Variants in ASTN2 observed in about 807,000 individuals in gnomAD.
The protein encoded by ASTN2 is astrotactin-2.
In ASTN2, 54 loss-of-function variants were observed where a neutral mutation model predicts 139.8. That is an observed-to-expected ratio of 0.39 (90% confidence interval 0.31 to 0.48). The LOEUF (loss-of-function observed/expected upper bound fraction) is 0.48, where lower values mean the gene tolerates loss of function less well. ASTN2 is among the 20% of genes least tolerant of loss of function. The pLI, the probability that ASTN2 is intolerant of heterozygous loss-of-function variation, is 0.95. For synonymous variants in ASTN2, 756 were observed against 719.5 expected (o/e 1.05, Z -0.81); for missense variants, 1,565 against 1,725.1 (o/e 0.91, Z 1.64).
intron 13 of ASTN2, among the ~76,000 whole-genome samples, chr9:116,802,083 C>CTTTTTTT (rs796156202): frequency 4.9e-5 from 6 of 121,732 alleles, no homozygotes; most frequent in South Asian, 2.6e-4. Context: ...TTCTTTCTTT[C>CTTTTTTT]TTTTTTTTTT....
intron 13 of ASTN2, among the ~76,000 whole-genome samples, chr9:116,790,964 AAGGAAAG>A (rs1564268816): frequency 9.2e-4 from 98 of 106,706 alleles, no homozygotes; most frequent in African/African-American, 2.1e-3. Context: ...GAAAAGAAAG[AAGGAAAG>A]AAAGAAAGAA....
At chr9:117,094,183 G>GGAGGAGAGGA (rs71379260) in intron 5 of ASTN2, among the ~76,000 whole-genome samples, 11 of 122,302 alleles carry the variant, frequency 9.0e-5, no homozygotes, top group African/African-American at 3.2e-4. Context: ...AGGGAGGGAG[G>GGAGGAGAGGA]GAGGAGAGGA....
At chr9:117,065,731 A>C (rs1159340854) in intron 5 of ASTN2, among the ~76,000 whole-genome samples, 1 of 152,202 alleles carries the variant, frequency 6.6e-6, no homozygotes, top group Non-Finnish European at 1.5e-5. Context: ...TAGAACCCAC[A>C]GCCACTGCAT....
rs767242462 is a variant in ASTN2, at chr9:116,632,205, A to AAAGAAAGAAAGAAAGAAAG, written c.3073-11763_3073-11762insCTTTCTTTCTTTCTTTCTT. On this transcript the variant is annotated intron_variant, in intron 17 of 22. Coordinates refer to ENST00000313400, the MANE Select transcript of ASTN2 (RefSeq NM_001365068.1). ...GAGAGGGAGAGAGAGAGAAAGAAAG[A>AAAGAAAGAAAGAAAGAAAG]AAAGAAAGAAAGAAAGAAAGAAAGA... 2.0e-3 allele frequency among the ~76,000 whole-genome samples: 89 copies of AAAGAAAGAAAGAAAGAAAG among 45,296 alleles called. 11 individuals are homozygous for AAAGAAAGAAAGAAAGAAAG. Among genetic ancestry groups the AAAGAAAGAAAGAAAGAAAG allele is most frequent in the Admixed American group, 3.6e-3 (14 of 3,842 alleles). 29.7% of individuals were successfully genotyped at this position (45,296 alleles called of 152,430 possible). A position where few individuals can be genotyped will look rare whatever the true frequency, so the allele number is the denominator to read the frequency against.
intron 2 of ASTN2, among the ~76,000 whole-genome samples, chr9:117,234,557 G>A (rs1832988870): frequency 6.6e-6 from 1 of 152,120 alleles, no homozygotes; most frequent in South Asian, 2.1e-4. Context: ...GACATTGTTA[G>A]GATTATCACT....
At chr9:117,123,896 T>C (rs1345475849) in intron 4 of ASTN2, among the ~76,000 whole-genome samples, 1 of 152,218 alleles carries the variant, frequency 6.6e-6, no homozygotes, top group Non-Finnish European at 1.5e-5. Context: ...CCATATTCTT[T>C]CCTCTCATCT....
intron 13 of ASTN2, among the ~76,000 whole-genome samples, chr9:116,793,494 T>C (rs971025037): frequency 6.6e-6 from 1 of 152,080 alleles, no homozygotes; most frequent in African/African-American, 2.4e-5. Context: ...GAGCTATGAG[T>C]AAGTGAAAAA....
At position 117,218,548 on chromosome 9, in the gene ASTN2, T is replaced by A. The variant is rs146768982; in HGVS notation, c.631-3806A>T. ...ATCTAAAACATGGTAGCAGCTTAGG[T>A]AACGTTGCAAGCACCAATCTGAACA... On this transcript the variant is annotated intron_variant, in intron 2 of 22. Transcript: ENST00000313400. 1.7e-3 allele frequency among the ~76,000 whole-genome samples: 258 copies of A among 152,234 alleles called. 3 individuals are homozygous for A. The highest frequency in any genetic ancestry group is 5.8e-3 in the African/African-American group (242 of 41,532).
intron 11 of ASTN2, among the ~76,000 whole-genome samples, chr9:116,822,332 C>T (rs1564286770): frequency 6.6e-6 from 1 of 152,040 alleles, no homozygotes; most frequent in Admixed American, 6.6e-5. Context: ...TATAAATGGC[C>T]TTTGTCAAGC....
intron 1 of ASTN2, among the ~76,000 whole-genome samples, chr9:117,350,072 TG>T (rs576698813): frequency 8.3e-4 from 127 of 152,298 alleles, no homozygotes; most frequent in African/African-American, 3.0e-3. Context: ...ACCATGATAA[TG>T]TAAGATGGTA....
intron 10 of ASTN2, among the ~76,000 whole-genome samples, chr9:116,901,764 G>A (rs907478846): frequency 2.6e-5 from 4 of 152,130 alleles, no homozygotes; most frequent in Non-Finnish European, 5.9e-5. Flanking sequence ...GGCCAGGCAC[G>A]GTGGCTCACG....
At chr9:117,325,755 T>C (rs1251122523) in intron 1 of ASTN2, among the ~76,000 whole-genome samples, 2 of 151,954 alleles carry the variant, frequency 1.3e-5, no homozygotes, top group Non-Finnish European at 2.9e-5. Context: ...TTGTTAGAGA[T>C]GGAGAGGCTG....
chr9:117,356,120 A>G (rs1027156475), intron 1 of ASTN2, among the ~76,000 whole-genome samples: 5 of 152,222 alleles, frequency 3.3e-5, no homozygotes, highest in African/African-American at 1.2e-4. Flanking sequence ...GTTAGTAGAA[A>G]GGAAATGTCT....
chr9:117,240,776 T>C (rs774447640), intron 2 of ASTN2, among the ~76,000 whole-genome samples: 9 of 152,188 alleles, frequency 5.9e-5, no homozygotes, highest in Non-Finnish European at 1.2e-4. Context: ...AGATGGAGTC[T>C]AAAGCCCAAA....
intron 7 of ASTN2, among the ~76,000 whole-genome samples, chr9:116,981,274 A>C (rs908700607): frequency 6.6e-6 from 1 of 152,190 alleles, no homozygotes; most frequent in Non-Finnish European, 1.5e-5. Context: ...TATTGAATGA[A>C]TGAATGAATG....
intron 16 of ASTN2, among the ~76,000 whole-genome samples, chr9:116,710,482 G>A (rs939109208): frequency 7.1e-6 from 1 of 140,272 alleles, no homozygotes; most frequent in East Asian, 2.1e-4. Flanking sequence ...TGTAATCACA[G>A]CATTTTGGGA....
chr9:116,740,467 C>T (rs1254156828), intron 13 of ASTN2, among the ~76,000 whole-genome samples: 5 of 152,082 alleles, frequency 3.3e-5, no homozygotes, highest in Admixed American at 2.0e-4. Flanking sequence ...ATAATGAGTT[C>T]AGCTTCAATG....
At chr9:116,585,744 C>A (rs1854120196) in intron 19 of ASTN2, 2 of 152,106 alleles carry the variant, frequency 1.3e-5, no homozygotes, top group Non-Finnish European at 2.9e-5. Flanking sequence ...ACACCATTCT[C>A]AATGTCAGCC....
intron 16 of ASTN2, among the ~76,000 whole-genome samples, chr9:116,676,695 G>A (rs1239839605): frequency 1.3e-5 from 2 of 152,166 alleles, no homozygotes; most frequent in African/African-American, 4.8e-5. Flanking sequence ...GCTCCTTCTA[G>A]GAAAAGCAAT....
Sources: allele counts gnomAD v4.1 joint callset (sites outside exome capture counted in the v4.1 genomes callset), GRCh38; gene constraint gnomAD v4.1.1; transcripts MANE v1.5; gene names NCBI Gene and HGNC (gene_info 2026-07-23, HGNC 2026-07-21).